NCL: variants seen among roughly 807,000 people sequenced by gnomAD.
NCL encodes nucleolin multifunctional protein.
Under a neutral mutation model 77.7 loss-of-function variants are expected in NCL, and 4 were observed. The observed-to-expected ratio is 0.05, with a 90% CI of 0.03 to 0.12. NCL has a LOEUF of 0.12. Ranked by LOEUF, NCL falls within the 10% of genes least tolerant of loss-of-function variation. NCL has a pLI of 1.00. For missense variants in NCL, 763 were observed against 860.9 expected (o/e 0.89, Z 1.42); for synonymous variants, 344 against 297.8 (o/e 1.16, Z -1.60).
Position 231,453,608 on chromosome 2 carries a change from G to C in NCL, c.*1583C>G, listed in dbSNP as rs1470993610. On this transcript the variant is annotated 3_prime_UTR_variant, in exon 14 of 14. Transcript: ENST00000322723. ...GGCCTTCCTTTTTGTCCTTAGGCTT[G>C]CCTCATAGGAGACCCTCCCACTGCT... 6.5e-6 allele frequency: 1 copy of C among 154,560 alleles called. No homozygotes were observed. The highest frequency in any genetic ancestry group is 6.3e-5 in the Admixed American group (1 of 15,824). The allele number at this position is 154,560 out of a possible 1,614,324, so 9.6% of individuals were successfully genotyped here.
At position 231,460,264 on chromosome 2, in the gene NCL, A is replaced by G; in HGVS notation, c.928T>C (p.Phe310Leu). Residue 310 changes from phenylalanine (F) to leucine (L), a missense_variant, in exon 6 of 14, where the codon TTT (phenylalanine) becomes CTT (leucine). Physicochemically the swap from Phe to Leu is conservative, Grantham distance 22. This residue lies in a region of NCL where 590 missense variants were observed against 570.5 expected (regional missense o/e 1.03). Transcript: ENST00000322723. ...GTEPTTAFNL[F>L]VGNLNFNKSA... ...TTGTTAAAGTTTAGGTTTCCAACAA[A>G]GAGATTGAAAGCCGTAGTCGGTTCT... The G allele has an allele frequency of 6.2e-7, 1 of 1,614,170 alleles. No homozygotes were observed. Among genetic ancestry groups the G allele is most frequent in the Non-Finnish European group, 8.5e-7 (1 of 1,180,026 alleles).
At chr2:231,462,930 A>G in intron 2 of NCL, 1 of 398,474 alleles carries the variant, frequency 2.5e-6, no homozygotes, top group Non-Finnish European at 4.6e-6. Flanking sequence ...TTGAAACTGG[A>G]AAAATGTAAT....
intron 3 of NCL, among the ~76,000 whole-genome samples, chr2:231,461,308 G>A (rs1471993964): frequency 2.0e-5 from 3 of 151,086 alleles, no homozygotes; most frequent in East Asian, 1.9e-4. Context: ...AAATCACTTA[G>A]AAACAAAATC....
Position 231,456,988 on chromosome 2 carries a change from G to T in NCL, c.1571+13C>A, listed in dbSNP as rs1299890677. 6.2e-7 allele frequency: 1 copy of T among 1,613,504 alleles called. No individual in the cohort carries two copies. Among genetic ancestry groups the T allele is most frequent in the East Asian group, 2.2e-5 (1 of 44,870 alleles). On this transcript the variant is annotated intron_variant, in intron 10 of 13. Coordinates refer to ENST00000322723, the MANE Select transcript of NCL (RefSeq NM_005381.3). ...TATAGCCTATAACTGATGATACAAA[G>T]GTATTATCTTACCCTTTAGATTTGC... is the stretch of plus-strand genomic sequence containing the variant.
At chr2:231,456,929 A>G (rs372068121) in intron 10 of NCL, 72 bp downstream of exon 10, 10 of 1,579,692 alleles carry the variant, frequency 6.3e-6, no homozygotes, top group East Asian at 2.2e-5. Context: ...ACAGGATCAC[A>G]TGACCTTACG....
chr2:231,461,898 T>C lies in NCL; in HGVS notation c.255A>G (p.Pro85=). The C allele has an allele frequency of 6.2e-7, 1 of 1,614,224 alleles. No individual in the cohort carries two copies. The highest frequency in any genetic ancestry group is 8.5e-7 in the Non-Finnish European group (1 of 1,180,040). The change falls in exon 3 of 14, where the codon CCA becomes CCG. Residue 85 remains proline, a synonymous_variant. Coordinates refer to ENST00000322723, the MANE Select transcript of NCL (RefSeq NM_005381.3). ...CAGGTGTTGCTGCTGCCTTTTTGCCTGGAGTGACAGCTGCTTTCTTGGCTG... is the reference window on the plus strand; with the variant it reads ...CAGGTGTTGCTGCTGCCTTTTTGCCCGGAGTGACAGCTGCTTTCTTGGCTG... ...ATPAKKAAVT[P]GKKAAATPAK...
In NCL at chr2:231,457,626, CA is replaced by C. The variant is rs555077578; in HGVS notation, c.1447+16del. ...CTCCACCAATTCTGAAACCTTGTAA[CA>C]AGCCTAATTTCTTACCACTCCAAGT... On this transcript the variant is annotated intron_variant, in intron 9 of 13. Coordinates refer to ENST00000322723, the MANE Select transcript of NCL (RefSeq NM_005381.3). 2,038 of 1,574,104 alleles carry C rather than the reference CA, an allele frequency of 1.3e-3. 2 individuals are homozygous for C. Among genetic ancestry groups the C allele is most frequent in the Non-Finnish European group, 1.7e-3 (1,958 of 1,161,970 alleles).
chr2:231,456,508 T>C, intron 11 of NCL, 123 bp downstream of exon 11: 1 of 1,400,538 alleles, frequency 7.1e-7, no homozygotes, highest in Non-Finnish European at 1.0e-6. Flanking sequence ...TCTCAGGTAA[T>C]CAGTCATCAT....
chr2:231,456,941 T>A (rs1052251422), intron 10 of NCL, 60 bp downstream of exon 10: 3 of 1,588,742 alleles, frequency 1.9e-6, no homozygotes, highest in Non-Finnish European at 2.6e-6. Flanking sequence ...GACCTTACGT[T>A]CCTTTAGACC....
chr2:231,464,183 C>A, intron 1 of NCL, 153 bp downstream of exon 1: 1 of 1,442,302 alleles, frequency 6.9e-7, no homozygotes, highest in Non-Finnish European at 9.2e-7. Context: ...AGCCAGAAGC[C>A]GCGAGACCTC....
intron 2 of NCL, chr2:231,462,653 G>C: frequency 2.2e-6 from 1 of 464,004 alleles, no homozygotes. Flanking sequence ...AGAAACCTGA[G>C]CACAATTCAG....
At position 231,456,193 on chromosome 2, in the gene NCL, T is replaced by G. The variant is rs2046886150; in HGVS notation, c.1706-57A>C. ...GAAGTCACAGTTCGTAACACTGAAT[T>G]TGCACAATGCCTAGTATGACTACTA... On this transcript the variant is annotated intron_variant, in intron 11 of 13. Coordinates refer to ENST00000322723, the MANE Select transcript of NCL (RefSeq NM_005381.3). 4 of 1,605,588 alleles carry G rather than the reference T, an allele frequency of 2.5e-6. No homozygotes were observed. The Middle Eastern group carries it at 5.6e-4, about 224-fold the overall frequency.
rs141123294 is a variant in NCL, at chr2:231,463,269, C to A, written c.66G>T (p.Lys22Asn). The A allele has an allele frequency of 6.2e-7, 1 of 1,612,966 alleles. No individual in the cohort carries two copies. The highest frequency in any genetic ancestry group is 8.5e-7 in the Non-Finnish European group (1 of 1,179,838). The part of the protein sequence containing the change: ...GDPKKMAPPP[K>N]EVEEDSEDEE... ...CATCTTCACTATCTTCTTCTACCTCCTTTGGAGGAGGAGCCATTTTCTTGG... is the reference window on the plus strand; with the variant it reads ...CATCTTCACTATCTTCTTCTACCTCATTTGGAGGAGGAGCCATTTTCTTGG... The change falls in exon 2 of 14, where the codon AAG becomes AAT. Residue 22 changes from lysine (K) to asparagine (N), a missense_variant. This residue lies in a region of NCL where 590 missense variants were observed against 570.5 expected (regional missense o/e 1.03). Transcript: ENST00000322723.
intron 11 of NCL, 146 bp downstream of exon 11, chr2:231,456,485 T>C: frequency 7.5e-7 from 1 of 1,341,530 alleles, no homozygotes; most frequent in Non-Finnish European, 1.1e-6. Context: ...TTCTTGAGAT[T>C]TCATCAATTA....
chr2:231,464,483 CTG>C, exon 1 of NCL: 3 of 1,333,614 alleles, frequency 2.2e-6, no homozygotes, highest in Admixed American at 6.0e-5. Flanking sequence ...GAGCTCGAGA[CTG>C]AGGCGAAAGA....
chr2:231,464,260 C>T (rs1346576279), intron 1 of NCL, 76 bp downstream of exon 1: 2 of 1,534,632 alleles, frequency 1.3e-6, no homozygotes, highest in Non-Finnish European at 1.8e-6. Context: ...GCGCGCAGGC[C>T]CTCCTCCCCG....
At position 231,459,087 on chromosome 2, in the gene NCL, A is replaced by C. The variant is rs1176538780; in HGVS notation, c.1079T>G (p.Leu360Arg). 2 of 1,601,384 alleles carry C rather than the reference A, an allele frequency of 1.2e-6. No individual in the cohort carries two copies. The highest frequency in any genetic ancestry group is 8.5e-7 in the Non-Finnish European group (1 of 1,175,860). The change falls in exon 7 of 14, where the codon CTG (leucine) becomes CGG (arginine). Residue 360 changes from leucine to arginine, a missense_variant. Coordinates refer to ENST00000322723, the MANE Select transcript of NCL (RefSeq NM_005381.3). Reference protein sequence around the residue: ...GYVDFESAEDLEKALELTGLK... With the variant: ...GYVDFESAEDREKALELTGLK... Reference sequence around the variant, plus strand: ...ACCAGTGAGTTCCAACGCTTTCTCCAGGTCTTCAGCAGATTCAAAATCCAC... The same window carrying C: ...ACCAGTGAGTTCCAACGCTTTCTCCCGGTCTTCAGCAGATTCAAAATCCAC...
Position 231,459,144 on chromosome 2 carries a change from G to A in NCL, c.1041-19C>T, listed in dbSNP as rs572762953. 14 of 1,527,658 alleles carry A rather than the reference G, an allele frequency of 9.2e-6. No individual in the cohort carries two copies. The highest frequency in any genetic ancestry group is 3.9e-5 in the South Asian group (3 of 77,278). The allele number at this position is 1,527,658 out of a possible 1,614,324, so 94.6% of individuals were successfully genotyped here. A position where few individuals can be genotyped will look rare whatever the true frequency, so the allele number is the denominator to read the frequency against. On this transcript the variant is annotated intron_variant, in intron 6 of 13. Transcript: ENST00000322723. ...AAATTTCCTTCAAGGTGGAGAGGAG[G>A]GCAAAATTACAACAGGTGAAAACAC...
chr2:231,456,053 G>T lies in NCL; in HGVS notation c.1789C>A (p.Arg597=). ...TCCCGGTCAGTAACTATCCTTGCCC[G>T]AACGGAGCCGTCAAATGACTCCTTT... The part of the protein sequence containing the change: ...TLKESFDGSV[R]ARIVTDRETG... The change falls in exon 12 of 14, where the codon CGG becomes AGG. Residue 597 remains arginine, a synonymous_variant. Coordinates refer to ENST00000322723, the MANE Select transcript of NCL (RefSeq NM_005381.3). 4.3e-6 allele frequency: 7 copies of T among 1,614,124 alleles called. No homozygotes were observed. Among genetic ancestry groups the T allele is most frequent in the Non-Finnish European group, 5.9e-6 (7 of 1,180,034 alleles).
Sources: gnomAD v4.1 joint callset for allele counts (sites outside exome capture counted in the v4.1 genomes callset) on GRCh38, gnomAD v4.1.1 for gene constraint, gnomAD v4.1.1 regional missense constraint, MANE v1.5 for transcripts, NCBI Gene and HGNC (gene_info 2026-07-23, HGNC 2026-07-21) for gene names.